Variants in TCF4 observed in about 807,000 individuals in gnomAD.
TCF4 encodes transcription factor 4, also known as SL3-3 enhancer factor 2.
TCF4 carries 3 observed loss-of-function variants against 82.1 expected under a neutral mutation model. The ratio of observed to expected loss-of-function variants is 0.04; its 90% confidence interval spans 0.02 to 0.09. The LOEUF is 0.09. Among genes scored for constraint, TCF4 ranks in the 10% least tolerant of loss-of-function variants. TCF4 has a pLI of 1.00. For missense variants in TCF4, 518 were observed against 852.7 expected, an observed-to-expected ratio of 0.61 and a Z score of 4.89; for synonymous variants, 276 against 309.6, an observed-to-expected ratio of 0.89 and a Z score of 1.14.
chr18:55,344,169 A>T (rs2080647159), intron 8 of TCF4, among the ~76,000 whole-genome samples: 1 of 152,192 alleles, frequency 6.6e-6, no homozygotes, highest in African/African-American at 2.4e-5. Flanking sequence ...GAAAACCTTT[A>T]GAATTATTCA....
intron 8 of TCF4, among the ~76,000 whole-genome samples, chr18:55,289,028 A>AC (rs1228008458): frequency 1.3e-5 from 2 of 152,228 alleles, no homozygotes; most frequent in Non-Finnish European, 2.9e-5. Context: ...AACTGAGCAG[A>AC]CACTCTATGT....
chr18:55,437,071 A>G (rs2095344860), intron 5 of TCF4, among the ~76,000 whole-genome samples: 1 of 152,272 alleles, frequency 6.6e-6, no homozygotes, highest in African/African-American at 2.4e-5. Flanking sequence ...ACCATTTTGC[A>G]TAAGGCAAAG....
At chr18:55,539,126 A>G (rs780190848) in intron 3 of TCF4, among the ~76,000 whole-genome samples, 32 of 152,162 alleles carry the variant, frequency 2.1e-4, no homozygotes, top group Non-Finnish European at 4.7e-4. Flanking sequence ...TGGAATTCTG[A>G]GAGGGAATTT....
At chr18:55,443,360 C>A (rs568869367) in intron 5 of TCF4, among the ~76,000 whole-genome samples, 1 of 152,262 alleles carries the variant, frequency 6.6e-6, no homozygotes, top group African/African-American at 2.4e-5. Context: ...TATGGGCATT[C>A]CTTGGCAAGC....
chr18:55,460,377 A>C (rs911698955), intron 5 of TCF4, among the ~76,000 whole-genome samples: 2 of 152,170 alleles, frequency 1.3e-5, no homozygotes, highest in African/African-American at 4.8e-5. Context: ...GGGTAGCCAA[A>C]AGCAGAAAAA....
intron 6 of TCF4, among the ~76,000 whole-genome samples, chr18:55,366,919 A>T (rs1213907135): frequency 6.6e-6 from 1 of 152,226 alleles, no homozygotes; most frequent in African/African-American, 2.4e-5. Flanking sequence ...GTATATAAGC[A>T]TGATCATAAC....
intron 3 of TCF4, among the ~76,000 whole-genome samples, chr18:55,514,341 T>G (rs992966701): frequency 1.3e-5 from 2 of 151,554 alleles, no homozygotes; most frequent in Non-Finnish European, 2.9e-5. Flanking sequence ...GAGCATGTGT[T>G]TGAAATATTA....
intron 2 of TCF4, among the ~76,000 whole-genome samples, chr18:55,621,329 A>T (rs1186567306): frequency 6.8e-6 from 1 of 146,126 alleles, no homozygotes; most frequent in Non-Finnish European, 1.5e-5. Flanking sequence ...AATATTTAAC[A>T]TATCTTTTTC....
rs1025839726 is a variant in TCF4 at position 55,223,003 on chromosome 18, T to TA, written c.*5031dup. On this transcript the variant is annotated 3_prime_UTR_variant, in exon 20 of 20. Transcript: ENST00000354452. ...CAATATTCAGCTTTTAACAAAGTGA[T>TA]ACAAAATAAATCATCTTAGATTTTT... The TA allele has an allele frequency of 2.1e-4, 32 of 152,596 alleles. No homozygotes were observed. Among genetic ancestry groups the TA allele is most frequent in the African/African-American group, 7.7e-4 (32 of 41,574 alleles). 9.5% of individuals were successfully genotyped at this position (152,596 alleles called of 1,614,324 possible). A position where few individuals can be genotyped will look rare whatever the true frequency, so the allele number is the denominator to read the frequency against.
intron 16 of TCF4, among the ~76,000 whole-genome samples, chr18:55,233,672 C>T (rs967915538): frequency 2.6e-5 from 4 of 151,806 alleles, no homozygotes; most frequent in Non-Finnish European, 5.9e-5. Flanking sequence ...GAAAAATAGC[C>T]AGGCATGGTG....
At chr18:55,515,409 T>C (rs1007992964) in intron 3 of TCF4, among the ~76,000 whole-genome samples, 7 of 152,124 alleles carry the variant, frequency 4.6e-5, no homozygotes, top group African/African-American at 1.7e-4. Flanking sequence ...TCCTGACCAC[T>C]CCAAAAACTA....
rs76881744 is a variant in TCF4, at chr18:55,479,463, C to T, written c.146-15326G>A. ...TCACCAATCCCCATCTCTTTCTGCC[C>T]GTGACCACCTAGGAATCTGAAATTC... On this transcript the variant is annotated intron_variant, in intron 3 of 19. Transcript: ENST00000354452. Among the ~76,000 whole-genome samples the T allele has an allele frequency of 1.7e-3, 264 of 152,306 alleles. 4 individuals carry two copies. In the East Asian group the frequency reaches 0.038, roughly 22 times the overall value.
At chr18:55,318,254 C>T (rs544826224) in intron 8 of TCF4, among the ~76,000 whole-genome samples, 1 of 152,112 alleles carries the variant, frequency 6.6e-6, no homozygotes, top group South Asian at 2.1e-4. Context: ...ATGCAAGAAG[C>T]CATAAAGATC....
At chr18:55,574,088 C>T (rs891054920) in intron 3 of TCF4, among the ~76,000 whole-genome samples, 3 of 152,160 alleles carry the variant, frequency 2.0e-5, no homozygotes, top group Non-Finnish European at 2.9e-5. Flanking sequence ...ACTTAATTCT[C>T]ATTGCCTCCC....
Position 55,222,769 on chromosome 18 carries a change from A to G in TCF4, c.*5266T>C, listed in dbSNP as rs1230604737. 6.5e-6 allele frequency: 1 copy of G among 152,678 alleles called. No homozygotes were observed. Among genetic ancestry groups the G allele is most frequent in the Non-Finnish European group, 1.5e-5 (1 of 68,050 alleles). The allele number at this position is 152,678 out of a possible 1,614,324, so 9.5% of individuals were successfully genotyped here. On this transcript the variant is annotated 3_prime_UTR_variant, in exon 20 of 20. Coordinates refer to ENST00000354452, the MANE Select transcript of TCF4 (RefSeq NM_001083962.2). ...GTAGATTGATGTCCATTCTACAAAA[A>G]TATTAACTTACAGTACATAACACTG...
At chr18:55,234,264 G>A (rs1397800939) in intron 16 of TCF4, among the ~76,000 whole-genome samples, 1 of 152,150 alleles carries the variant, frequency 6.6e-6, no homozygotes, top group African/African-American at 2.4e-5. Flanking sequence ...TGAGAAAAAT[G>A]TGGAAATAGC....
In TCF4 at chr18:55,493,901, C is replaced by A. The variant is rs887256366; in HGVS notation, c.146-29764G>T. Reference sequence around the variant, plus strand: ...AAAGATCCTGCACCTGTCCCATCAACCCAAATATAAACAGCAAGATATATT... The same window carrying A: ...AAAGATCCTGCACCTGTCCCATCAAACCAAATATAAACAGCAAGATATATT... On this transcript the variant is annotated intron_variant, in intron 3 of 19. Coordinates refer to ENST00000354452, the MANE Select transcript of TCF4 (RefSeq NM_001083962.2). Among the ~76,000 whole-genome samples, 141 of 152,064 alleles carry A rather than the reference C, an allele frequency of 9.3e-4. 1 individual carries two copies. Among genetic ancestry groups the A allele is most frequent in the African/African-American group, 3.2e-3 (132 of 41,496 alleles).
intron 3 of TCF4, among the ~76,000 whole-genome samples, chr18:55,535,718 G>A (rs577349456): frequency 7.6e-4 from 116 of 152,282 alleles, no homozygotes; most frequent in Non-Finnish European, 1.5e-3. Flanking sequence ...AAATGGAAAA[G>A]AGATAAAGAT....
Position 55,358,174 on chromosome 18 carries a change from C to T in TCF4, c.370-7171G>A, listed in dbSNP as rs147517465. ...TGTTTTAACTTTCTACAGTGCCTGG[C>T]GCAGAGACCTGCCATGGCACATGCT... On this transcript the variant is annotated intron_variant, in intron 6 of 19. Transcript: ENST00000354452. 7.0e-4 allele frequency among the ~76,000 whole-genome samples: 106 copies of T among 152,308 alleles called. 1 individual carries two copies. The highest frequency in any genetic ancestry group is 2.4e-3 in the African/African-American group (99 of 41,568).
Sources: gnomAD v4.1 joint callset for allele counts (sites outside exome capture counted in the v4.1 genomes callset) on GRCh38, gnomAD v4.1.1 for gene constraint, MANE v1.5 for transcripts, NCBI Gene and HGNC (gene_info 2026-07-23, HGNC 2026-07-21) for gene names.